FOXP2: variants seen among roughly 807,000 people sequenced by gnomAD.
FOXP2 encodes the protein forkhead box protein P2.
A neutral mutation model predicts 115.8 loss-of-function variants in FOXP2; 12 were observed. The ratio of observed to expected loss-of-function variants is 0.10; its 90% CI spans 0.07 to 0.17. The LOEUF (loss-of-function observed/expected upper bound fraction) is 0.17. FOXP2 is among the 10% of genes least tolerant of loss of function. The pLI is 1.00. For missense variants in FOXP2, 629 were observed against 843.5 expected, an observed-to-expected ratio of 0.75 and a Z score of 3.15; for synonymous variants, 328 against 297.7, an observed-to-expected ratio of 1.10 and a Z score of -1.05.
chr7:114,558,980 T>C (rs781529536), intron 3 of FOXP2, among the ~76,000 whole-genome samples: 5 of 152,162 alleles, frequency 3.3e-5, no homozygotes, highest in Non-Finnish European at 5.9e-5. Flanking sequence ...TTATTATATA[T>C]GTTAAATTTT....
At position 114,539,630 on chromosome 7, in the gene FOXP2, A is replaced by G. The variant is rs1370833419; in HGVS notation, c.258+4924A>G. ...TGTCTTGTGTGGCTCTTATTTTCCC[A>G]TTCCAGTGAAGAACATTTCTTAAAA... On this transcript the variant is annotated intron_variant, in intron 3 of 16. Transcript: ENST00000350908. 5.9e-5 allele frequency among the ~76,000 whole-genome samples: 9 copies of G among 152,158 alleles called. No individual in the cohort carries two copies. The South Asian group carries it at 6.2e-4, about 11-fold the overall frequency.
intron 1 of FOXP2, among the ~76,000 whole-genome samples, chr7:114,169,558 A>G (rs948198272): frequency 1.3e-5 from 2 of 152,096 alleles, no homozygotes; most frequent in African/African-American, 4.8e-5. Context: ...TTGCAGGTTC[A>G]TGGGGGGAAG....
intron 1 of FOXP2, among the ~76,000 whole-genome samples, chr7:114,207,883 A>G (rs1331823152): frequency 1.3e-5 from 2 of 152,240 alleles, no homozygotes; most frequent in African/African-American, 2.4e-5. Context: ...TGAAAAGGCC[A>G]GATATGGTGG....
rs540792971 is a variant in FOXP2 at position 114,633,830 on chromosome 7, A to C, written c.775+2125A>C. ...GTAAGCCCTGAATCATTTCTTCCTTAGTTAGAGGTTAAGGTAAAAGTATTT... is the reference window on the plus strand; with the variant it reads ...GTAAGCCCTGAATCATTTCTTCCTTCGTTAGAGGTTAAGGTAAAAGTATTT... On this transcript the variant is annotated intron_variant, in intron 6 of 16. Transcript: ENST00000350908. Among the ~76,000 whole-genome samples the C allele has an allele frequency of 5.9e-5, 9 of 152,268 alleles. No individual in the cohort carries two copies. In the South Asian group the frequency reaches 1.9e-3, roughly 32 times the overall value.
intron 1 of FOXP2, among the ~76,000 whole-genome samples, chr7:114,234,672 C>T (rs572486757): frequency 2.6e-5 from 4 of 152,310 alleles, no homozygotes; most frequent in African/African-American, 9.6e-5. Context: ...TTTCTACAGT[C>T]CCATAGCTAG....
intron 1 of FOXP2, among the ~76,000 whole-genome samples, chr7:114,169,032 G>A (rs879089183): frequency 6.6e-6 from 1 of 152,226 alleles, no homozygotes; most frequent in Non-Finnish European, 1.5e-5. Context: ...GTCAGAGGAC[G>A]TGTGGAAATA....
chr7:114,516,530 G>A (rs1798352609), intron 2 of FOXP2, among the ~76,000 whole-genome samples: 1 of 151,926 alleles, frequency 6.6e-6, no homozygotes, highest in South Asian at 2.1e-4. Flanking sequence ...ACACCTAATA[G>A]TGGGATTGCT....
chr7:114,434,471 G>A lies in FOXP2; in HGVS notation c.168+7792G>A, dbSNP rs561898681. Among the ~76,000 whole-genome samples, 56 of 150,792 alleles carry A rather than the reference G, an allele frequency of 3.7e-4. 2 individuals carry two copies. Among genetic ancestry groups the A allele is most frequent in the South Asian group, 1.9e-3 (9 of 4,776 alleles). On this transcript the variant is annotated intron_variant, in intron 2 of 16. Coordinates refer to ENST00000350908, the MANE Select transcript of FOXP2 (RefSeq NM_014491.4). The stretch of plus-strand genomic sequence containing the variant: ...GGGGATAAGGTACAGCAATTTGGTT[G>A]ATGTATTATATGTATAAATAATTAA...
At chr7:114,155,286 T>C (rs1464740237) in intron 1 of FOXP2, among the ~76,000 whole-genome samples, 1 of 152,072 alleles carries the variant, frequency 6.6e-6, no homozygotes, top group Non-Finnish European at 1.5e-5. Context: ...TGCCTCATTA[T>C]ATCCTCTTCC....
intron 1 of FOXP2, among the ~76,000 whole-genome samples, chr7:114,181,816 C>T (rs1012302854): frequency 2.6e-5 from 4 of 151,934 alleles, no homozygotes; most frequent in Admixed American, 6.6e-5. Flanking sequence ...AGTGACTTAA[C>T]CAATATAGAA....
chr7:114,544,903 C>G (rs955428883), intron 3 of FOXP2, among the ~76,000 whole-genome samples: 1 of 152,158 alleles, frequency 6.6e-6, no homozygotes, highest in Non-Finnish European at 1.5e-5. Flanking sequence ...ACAATCACCA[C>G]TGCCATACAC....
At chr7:114,318,648 A>G (rs1373618360) in intron 2 of FOXP2, among the ~76,000 whole-genome samples, 1 of 151,736 alleles carries the variant, frequency 6.6e-6, no homozygotes, top group Non-Finnish European at 1.5e-5. Flanking sequence ...AGTATTAACA[A>G]TACACTGTCA....
chr7:114,608,655 C>T (rs905402045), intron 3 of FOXP2, among the ~76,000 whole-genome samples: 1 of 152,166 alleles, frequency 6.6e-6, no homozygotes, highest in Non-Finnish European at 1.5e-5. Flanking sequence ...CATTGAGAAA[C>T]ACCATTCTAG....
chr7:114,189,556 A>G (rs1387738336), intron 1 of FOXP2, among the ~76,000 whole-genome samples: 3 of 152,210 alleles, frequency 2.0e-5, no homozygotes, highest in Non-Finnish European at 2.9e-5. Context: ...CTCTAAGTCA[A>G]TGATAAACTG....
intron 2 of FOXP2, among the ~76,000 whole-genome samples, chr7:114,467,677 G>A (rs546927170): frequency 6.6e-6 from 1 of 152,148 alleles, no homozygotes; most frequent in East Asian, 1.9e-4. Context: ...AGTACACTTT[G>A]GGGTCTGAGG....
At chr7:114,086,503 C>A (rs907719410), upstream of FOXP2, 6 of 353,414 alleles carry the variant, frequency 1.7e-5, no homozygotes, top group Non-Finnish European at 3.3e-5. Context: ...GCCCCCCACT[C>A]GCGGCAGCAG....
intron 1 of FOXP2, among the ~76,000 whole-genome samples, chr7:114,257,578 C>T (rs1268278846): frequency 2.6e-5 from 4 of 151,284 alleles, no homozygotes; most frequent in Admixed American, 6.6e-5. Context: ...CTCAGCCTCC[C>T]GAGTAGCTGG....
At chr7:114,644,880 A>G in intron 8 of FOXP2, 91 bp downstream of exon 8, 1 of 996,178 alleles carries the variant, frequency 1.0e-6, no homozygotes, top group Non-Finnish European at 1.5e-6. Flanking sequence ...ATGAAGGAGG[A>G]ATGTAAAAGT....
intron 1 of FOXP2, among the ~76,000 whole-genome samples, chr7:114,138,459 T>G (rs943553696): frequency 6.7e-6 from 1 of 150,138 alleles, no homozygotes; most frequent in African/African-American, 2.5e-5. Context: ...TGACGCAATC[T>G]CGGCTCACTG....
Sources: gnomAD v4.1 joint callset for allele counts (sites outside exome capture counted in the v4.1 genomes callset) on GRCh38, gnomAD v4.1.1 for gene constraint, MANE v1.5 for transcripts, NCBI Gene and HGNC (gene_info 2026-07-23, HGNC 2026-07-21) for gene names.